CELSR1: variants seen among roughly 807,000 people sequenced by gnomAD.
CELSR1 encodes cadherin EGF LAG seven-pass G-type receptor 1, also known as adhesion G protein-coupled receptor C1.
CELSR1 carries 110 observed loss-of-function variants against 249.1 expected under a neutral mutation model. The observed-to-expected ratio is 0.44, with a 90% CI of 0.38 to 0.52. The LOEUF (loss-of-function observed/expected upper bound fraction) is 0.52, where lower values mean the gene tolerates loss of function less well. Ranked by LOEUF, CELSR1 falls within the 20% of genes least tolerant of loss-of-function variation. The probability of loss-of-function intolerance (pLI) is 0.00; values close to 1 mark genes in which losing one functional copy is unlikely to be tolerated. For missense variants in CELSR1, 4,109 were observed against 4,296.4 expected (o/e 0.96, Z 1.22); for synonymous variants, 2,113 against 1,900.0 (o/e 1.11, Z -2.92).
chr22:46,487,604 T>C (rs112680564), intron 1 of CELSR1, among the ~76,000 whole-genome samples: 52 of 328 alleles, frequency 0.16, 1 homozygote, highest in African/African-American at 0.21. Context: ...AGGTGGGGGG[T>C]GCGGGGGAGG....
intron 1 of CELSR1, chr22:46,530,557 G>A (rs1391271361): frequency 6.6e-6 from 1 of 152,072 alleles, no homozygotes; most frequent in African/African-American, 2.4e-5. Flanking sequence ...TCCTATCACA[G>A]AATTTAAAAT....
At position 46,396,714 on chromosome 22, in the gene CELSR1, G is replaced by T; in HGVS notation, c.5734C>A (p.His1912Asn). The T allele has an allele frequency of 1.2e-6, 2 of 1,612,994 alleles. No individual in the cohort carries two copies. The highest frequency in any genetic ancestry group is 1.7e-6 in the Non-Finnish European group (2 of 1,179,546). ...YLGINCVDAC[H>N]LNPCENMGAC... is the part of the protein sequence containing the mutation. Reference sequence around the variant, plus strand: ...CCCATGTTCTCGCAGGGGTTCAGGTGACAGGCATCCACACAGTTTATTCCA... The same window carrying T: ...CCCATGTTCTCGCAGGGGTTCAGGTTACAGGCATCCACACAGTTTATTCCA... Residue 1912 changes from histidine to asparagine, a missense_variant, in exon 13 of 35, where the codon CAC (histidine) becomes AAC (asparagine). This residue lies in a region of CELSR1 where 1,805 missense variants were observed against 1,831.6 expected (regional missense o/e 0.99). Transcript: ENST00000674500. The surrounding 1 kb of genome is among the most constrained non-coding windows in gnomAD (Gnocchi z 6.4).
At chr22:46,474,169 G>A (rs1228963983) in intron 1 of CELSR1, among the ~76,000 whole-genome samples, 2 of 152,286 alleles carry the variant, frequency 1.3e-5, no homozygotes, top group African/African-American at 4.8e-5. Flanking sequence ...CAAGGTAAAG[G>A]GCGCAGCTCT....
At chr22:46,370,188 A>T (rs1229223813) in intron 25 of CELSR1, 1 of 460,708 alleles carries the variant, frequency 2.2e-6, no homozygotes, top group South Asian at 1.6e-5. Flanking sequence ...GCCATGATGG[A>T]CCCAAGGTGC....
rs756404144 is a variant in CELSR1, at chr22:46,463,889, G to A, written c.4001C>T (p.Thr1334Ile). The change falls in exon 2 of 35, where the codon ACC becomes ATC. Residue 1334 changes from threonine (T) to isoleucine (I), a missense_variant. Physicochemically the swap from Thr to Ile is moderately conservative, Grantham distance 89 (BLOSUM62 -1). Around this residue, in one of 7 missense-constraint regions of CELSR1, gnomAD observed 141 missense variants for 209.4 expected, o/e 0.67. Coordinates refer to ENST00000674500, the MANE Select transcript of CELSR1 (RefSeq NM_001378328.1). The stretch of plus-strand genomic sequence containing the variant: ...GTGGATGGGCCGGAAGAGCACGGTG[G>A]TGGAGCTGAGGAAGGGCGCGGAGCT... ...FDSSAPFLSS[T>I]TVLFRPIHPI... 1.2e-6 allele frequency: 2 copies of A among 1,613,374 alleles called. No homozygotes were observed. Among genetic ancestry groups the A allele is most frequent in the Non-Finnish European group, 1.7e-6 (2 of 1,179,612 alleles).
At chr22:46,425,519 G>GT (rs1042180555) in intron 5 of CELSR1, among the ~76,000 whole-genome samples, 9 of 152,156 alleles carry the variant, frequency 5.9e-5, no homozygotes, top group African/African-American at 2.2e-4. Context: ...AGTAGTTTGT[G>GT]TTTTTTGAGG....
Position 46,381,238 on chromosome 22 carries a change from T to C in CELSR1, c.7089-283A>G, listed in dbSNP as rs1414739348. Among the ~76,000 whole-genome samples, 1 of 152,062 alleles carries C rather than the reference T, an allele frequency of 6.6e-6. No individual in the cohort carries two copies. Among genetic ancestry groups the C allele is most frequent in the East Asian group, 1.9e-4 (1 of 5,162 alleles). On this transcript the variant is annotated intron_variant, in intron 21 of 34. Transcript: ENST00000674500. This position sits in a 1 kb window ranked among gnomAD's most constrained non-coding sequence, Gnocchi z 6.0. ...GGTGCAAAGATGTCACAGCCCATAA[T>C]AGCTAATGGCAGAATCACAGGGGAT...
At position 46,448,394 on chromosome 22, in the gene CELSR1, C is replaced by T. The variant is rs1480225008; in HGVS notation, c.4184-8983G>A. 6.6e-6 allele frequency among the ~76,000 whole-genome samples: 1 copy of T among 151,980 alleles called. No homozygotes were observed. Among genetic ancestry groups the T allele is most frequent in the East Asian group, 1.9e-4 (1 of 5,176 alleles). On this transcript the variant is annotated intron_variant, in intron 2 of 34. Coordinates refer to ENST00000674500, the MANE Select transcript of CELSR1 (RefSeq NM_001378328.1). The surrounding 1 kb of genome is among the most constrained non-coding windows in gnomAD (Gnocchi z 5.7). ...TCCAGGAGCTAGGAGAAGAGAGATG[C>T]AGGGTCTCAGGGCTCACCTAGAGAG...
rs182847226 is a variant in CELSR1, at chr22:46,386,488, C to T, written c.6653G>A (p.Arg2218Gln). 129 of 1,600,000 alleles carry T rather than the reference C, an allele frequency of 8.1e-5. 1 individual carries two copies. In the Middle Eastern group the frequency reaches 2.0e-3, roughly 25 times the overall value. Residue 2218 changes from arginine (R) to glutamine (Q), a missense_variant, in exon 19 of 35, where the codon CGG (arginine) becomes CAG (glutamine). Transcript: ENST00000674500. Reference sequence around the variant, plus strand: ...GTTGCTGAAGTAGCCCTCGAGGCGCCGGAGCAGCTGTGCCGTGCCGCCCTC... The same window carrying T: ...GTTGCTGAAGTAGCCCTCGAGGCGCTGGAGCAGCTGTGCCGTGCCGCCCTC... ...RSEGGTAQLL[R>Q]RLEGYFSNVA... is the part of the protein sequence containing the mutation.
chr22:46,463,336 C>T (rs958822500), intron 2 of CELSR1, among the ~76,000 whole-genome samples: 3 of 151,904 alleles, frequency 2.0e-5, no homozygotes, highest in Non-Finnish European at 4.4e-5. Context: ...ACCAACATGG[C>T]GAAACCCCAT....
chr22:46,387,441 C>T (rs1021227260), intron 18 of CELSR1, among the ~76,000 whole-genome samples: 1 of 152,086 alleles, frequency 6.6e-6, no homozygotes, highest in African/African-American at 2.4e-5. Context: ...AGTGCAGTGG[C>T]ACAGTCTTGG....
Position 46,395,742 on chromosome 22 carries a change from G to T in CELSR1, c.5843+863C>A, listed in dbSNP as rs928074547. ...GGCCACCAGCAGCTGAGGACAATGAGCCACAGGGGCATCACCTCCACGGCG... is the reference window on the plus strand; with the variant it reads ...GGCCACCAGCAGCTGAGGACAATGATCCACAGGGGCATCACCTCCACGGCG... On this transcript the variant is annotated intron_variant, in intron 13 of 34. Coordinates refer to ENST00000674500, the MANE Select transcript of CELSR1 (RefSeq NM_001378328.1). The surrounding 1 kb of genome is among the most constrained non-coding windows in gnomAD (Gnocchi z 5.5). Among the ~76,000 whole-genome samples the T allele has an allele frequency of 1.3e-5, 2 of 152,162 alleles. No individual in the cohort carries two copies. The highest frequency in any genetic ancestry group is 1.5e-5 in the Non-Finnish European group (1 of 68,018).
In CELSR1 at chr22:46,454,801, G is replaced by A. The variant is rs61168801; in HGVS notation, c.4183+8906C>T. Reference sequence around the variant, plus strand: ...CGCGACAGGCAGGCCAGTGAGAAGCGCCAACAGCCCTGGTTCCCAAACTCC... The same window carrying A: ...CGCGACAGGCAGGCCAGTGAGAAGCACCAACAGCCCTGGTTCCCAAACTCC... On this transcript the variant is annotated intron_variant, in intron 2 of 34. Transcript: ENST00000674500. The surrounding 1 kb of genome is among the most constrained non-coding windows in gnomAD (Gnocchi z 5.1). Among the ~76,000 whole-genome samples the A allele has an allele frequency of 3.7e-3, 562 of 152,358 alleles. 3 individuals are homozygous for A. Among genetic ancestry groups the A allele is most frequent in the African/African-American group, 0.012 (498 of 41,580 alleles).
At chr22:46,463,664 C>G (rs778345296) in intron 2 of CELSR1, 43 bp downstream of exon 2, 10 of 1,475,832 alleles carry the variant, frequency 6.8e-6, no homozygotes, top group Non-Finnish European at 8.1e-6. Context: ...GCCATGTGAC[C>G]TGGGGACATG....
intron 1 of CELSR1, among the ~76,000 whole-genome samples, chr22:46,501,402 C>T (rs993799336): frequency 2.6e-5 from 4 of 152,064 alleles, no homozygotes; most frequent in Non-Finnish European, 5.9e-5. Context: ...GACGAGGTTT[C>T]ACCATGTTGG....
At chr22:46,523,289 G>A (rs1427193699) in intron 1 of CELSR1, among the ~76,000 whole-genome samples, 8 of 152,204 alleles carry the variant, frequency 5.3e-5, no homozygotes, top group Admixed American at 5.2e-4. Context: ...AGCACTTTGG[G>A]AGGCCAAGGC....
chr22:46,443,174 G>T (rs1602143381), intron 2 of CELSR1, among the ~76,000 whole-genome samples: 1 of 152,122 alleles, frequency 6.6e-6, no homozygotes, highest in Admixed American at 6.5e-5. Context: ...GCCCTCTCGA[G>T]AACGAGGAGG....
At position 46,374,297 on chromosome 22, in the gene CELSR1, A is replaced by T. The variant is rs1320319432; in HGVS notation, c.7585-1240T>A. On this transcript the variant is annotated intron_variant, in intron 24 of 34. Coordinates refer to ENST00000674500, the MANE Select transcript of CELSR1 (RefSeq NM_001378328.1). This position sits in a 1 kb window ranked among gnomAD's most constrained non-coding sequence, Gnocchi z 4.3. ...TTCAAGTAATGCGAAAAGTAAACCC[A>T]CGAAACCACCTTTTGAAAACAAAGT... Among the ~76,000 whole-genome samples, 1 of 152,182 alleles carries T rather than the reference A, an allele frequency of 6.6e-6. No homozygotes were observed. The highest frequency in any genetic ancestry group is 2.4e-5 in the African/African-American group (1 of 41,420).
Position 46,440,640 on chromosome 22 carries a change from GTT to G in CELSR1, c.4184-1231_4184-1230del, listed in dbSNP as rs140754139. Among the ~76,000 whole-genome samples, 4,107 of 152,260 alleles carry G rather than the reference GTT, an allele frequency of 0.027. 184 individuals carry two copies. Among genetic ancestry groups the G allele is most frequent in the African/African-American group, 0.094 (3,919 of 41,536 alleles). ...ACTCTCTTTCCTAGAAGCTGCCTGA[GTT>G]TGTCTTTCTGCTGGGTTTTTGGTCC... is the stretch of plus-strand genomic sequence containing the variant. On this transcript the variant is annotated intron_variant, in intron 2 of 34. Transcript: ENST00000674500. This position sits in a 1 kb window ranked among gnomAD's most constrained non-coding sequence, Gnocchi z 4.7.
Sources: allele counts gnomAD v4.1 joint callset (sites outside exome capture counted in the v4.1 genomes callset), GRCh38; gene constraint gnomAD v4.1.1; regional missense constraint gnomAD v4.1.1; non-coding constraint Gnocchi (gnomAD v3.1); transcripts MANE v1.5; gene names NCBI Gene and HGNC (gene_info 2026-07-23, HGNC 2026-07-21).